The following PLS3 variants were observed in gnomAD, a reference collection of about 807,000 sequenced individuals.
The protein encoded by PLS3 is plastin-3.
Under a neutral mutation model 46.5 loss-of-function variants are expected in PLS3, and 11 were observed. The ratio of observed to expected loss-of-function variants is 0.24; its 90% confidence interval spans 0.15 to 0.39. The LOEUF is 0.39. Ranked by LOEUF, PLS3 falls within the 10% of genes least tolerant of loss-of-function variation. The pLI, the probability that PLS3 is intolerant of heterozygous loss-of-function variation, is 1.00. For synonymous variants in PLS3, 167 were observed against 162.2 expected, an observed-to-expected ratio of 1.03 and a Z score of -0.22; for missense variants, 308 against 461.8, an observed-to-expected ratio of 0.67 and a Z score of 3.05.
At chrX:115,623,743 A>G (rs1311247272) in intron 3 of PLS3, among the ~76,000 whole-genome samples, 1 of 111,041 alleles carries the variant, frequency 9.0e-6, no homozygotes, top group Non-Finnish European at 1.9e-5. Flanking sequence ...GTCATGGTTT[A>G]TTTTTCCCCA....
intron 1 of PLS3, among the ~76,000 whole-genome samples, chrX:115,604,170 A>AT (rs1556634964): frequency 8.9e-6 from 1 of 112,016 alleles, no homozygotes; most frequent in Non-Finnish European, 1.9e-5. Context: ...CTTTGACTAA[A>AT]GACTTGTAAT....
At chrX:115,645,195 G>T in intron 11 of PLS3, 96 bp downstream of exon 11, 1 of 563,415 alleles carries the variant, frequency 1.8e-6, no homozygotes, top group Non-Finnish European at 2.9e-6. Flanking sequence ...TTAATTTGTA[G>T]CTATTATTTA....
chrX:115,594,364 C>T (rs1484596639), intron 1 of PLS3, among the ~76,000 whole-genome samples: 2 of 111,246 alleles, frequency 1.8e-5, no homozygotes, highest in African/African-American at 6.5e-5. Flanking sequence ...AGTCACCTCT[C>T]GGACTGGTTG....
chrX:115,565,764 TGTTA>T (rs2074168025), intron 1 of PLS3, among the ~76,000 whole-genome samples: 1 of 112,380 alleles, frequency 8.9e-6, no homozygotes, highest in Non-Finnish European at 1.9e-5. Context: ...CCATGACTAA[TGTTA>T]GTTCTTTAAA....
At chrX:115,634,210 T>C (rs976833860) in intron 6 of PLS3, 129 bp downstream of exon 6, 6 of 470,330 alleles carry the variant, frequency 1.3e-5, no homozygotes, top group Non-Finnish European at 2.3e-5. Context: ...GGGATTGTTA[T>C]CCAGATTATA....
At chrX:115,629,174 C>T in intron 3 of PLS3, 24 bp from the exon 4 acceptor site, 1 of 1,049,999 alleles carries the variant, frequency 9.5e-7, no homozygotes, top group Non-Finnish European at 1.3e-6. Flanking sequence ...AATTGTGAAT[C>T]AACAAAATTA....
In PLS3 at chrX:115,649,627, G is replaced by T; in HGVS notation, c.*66G>T. 1 of 1,036,327 alleles carries T rather than the reference G, an allele frequency of 9.6e-7. No individual in the cohort carries two copies. Among genetic ancestry groups the T allele is most frequent in the Non-Finnish European group, 1.3e-6 (1 of 757,260 alleles). 85.4% of individuals were successfully genotyped at this position (1,036,327 alleles called of 1,213,427 possible). On this transcript the variant is annotated 3_prime_UTR_variant, in exon 16 of 16. Coordinates refer to ENST00000355899, the MANE Select transcript of PLS3 (RefSeq NM_005032.7). Reference sequence around the variant, plus strand: ...TGATTCGCAGGTCAGCTATTTCCAGGTGAAGTGCTTATGGCTTAAGGAACT... The same window carrying T: ...TGATTCGCAGGTCAGCTATTTCCAGTTGAAGTGCTTATGGCTTAAGGAACT...
intron 1 of PLS3, among the ~76,000 whole-genome samples, chrX:115,569,261 G>A (rs370013921): frequency 9.0e-4 from 100 of 110,631 alleles, no homozygotes; most frequent in African/African-American, 2.9e-3. Flanking sequence ...ACTGTTAATG[G>A]GGGAAGGGAG....
chrX:115,635,078 T>G (rs1195656497), intron 7 of PLS3, 32 bp downstream of exon 7: 5 of 1,154,861 alleles, frequency 4.3e-6, no homozygotes, highest in Admixed American at 2.3e-5. Flanking sequence ...GGCAGTTGTT[T>G]ATTGGTTATT....
intron 1 of PLS3, among the ~76,000 whole-genome samples, chrX:115,564,406 C>T (rs961096569): frequency 2.7e-5 from 3 of 112,072 alleles, no homozygotes; most frequent in South Asian, 3.7e-4. Context: ...AGTGGTTACA[C>T]GCACATTAGA....
chrX:115,586,249 T>C (rs2074307517), intron 1 of PLS3, among the ~76,000 whole-genome samples: 1 of 108,069 alleles, frequency 9.3e-6, no homozygotes. Flanking sequence ...CCTCCCAAAG[T>C]GCTGAGATTA....
At chrX:115,585,088 A>G (rs1402959590) in intron 1 of PLS3, among the ~76,000 whole-genome samples, 1 of 111,166 alleles carries the variant, frequency 9.0e-6, no homozygotes, top group Non-Finnish European at 1.9e-5. Flanking sequence ...CAATTGGATC[A>G]AGTTGTACTT....
chrX:115,591,029 C>T (rs2074341674), intron 1 of PLS3, among the ~76,000 whole-genome samples: 1 of 109,657 alleles, frequency 9.1e-6, no homozygotes, highest in Non-Finnish European at 1.9e-5. Flanking sequence ...GTCCCAGCTA[C>T]TCAGGAGGCT....
At chrX:115,596,572 C>A (rs2074391065) in intron 1 of PLS3, among the ~76,000 whole-genome samples, 1 of 111,916 alleles carries the variant, frequency 8.9e-6, no homozygotes, top group Non-Finnish European at 1.9e-5. Flanking sequence ...CACAGTGGCT[C>A]ATGCCTGTAA....
At chrX:115,603,378 C>G (rs2074463043) in intron 1 of PLS3, among the ~76,000 whole-genome samples, 1 of 111,371 alleles carries the variant, frequency 9.0e-6, no homozygotes, top group African/African-American at 3.3e-5. Context: ...GAAGGGCTGG[C>G]TTTTTTCTAC....
chrX:115,601,239 G>A (rs2074440004), intron 1 of PLS3, among the ~76,000 whole-genome samples: 1 of 109,779 alleles, frequency 9.1e-6, no homozygotes, highest in Non-Finnish European at 1.9e-5. Context: ...AGAGTGTTGG[G>A]TTCAAGGGTG....
intron 1 of PLS3, among the ~76,000 whole-genome samples, chrX:115,569,035 CA>C (rs782042707): frequency 7.4e-5 from 7 of 94,278 alleles, no homozygotes; most frequent in East Asian, 3.1e-4. Context: ...GACTCCGTTT[CA>C]AAAAAAAAAA....
chrX:115,615,528 A>AGAGAGAGAGG (rs1569528015), intron 2 of PLS3, among the ~76,000 whole-genome samples: 2 of 105,584 alleles, frequency 1.9e-5, no homozygotes, highest in African/African-American at 7.1e-5. Context: ...AGAGAGAGAG[A>AGAGAGAGAGG]GAAAGGAAAC....
At chrX:115,612,857 A>G (rs2074560489) in intron 2 of PLS3, among the ~76,000 whole-genome samples, 1 of 112,129 alleles carries the variant, frequency 8.9e-6, no homozygotes, top group African/African-American at 3.2e-5. Flanking sequence ...TAATTTTCTC[A>G]ACAATTGTTT....
Sources: gnomAD v4.1 joint callset for allele counts (sites outside exome capture counted in the v4.1 genomes callset) on GRCh38, gnomAD v4.1.1 for gene constraint, MANE v1.5 for transcripts, NCBI Gene and HGNC (gene_info 2026-07-23, HGNC 2026-07-21) for gene names.